PACRG: variants seen among roughly 807,000 people sequenced by gnomAD.
The protein encoded by PACRG is parkin coregulated gene protein.
PACRG carries 29 observed loss-of-function variants against 29.7 expected under a neutral mutation model. That is an observed-to-expected ratio of 0.98 (90% CI 0.73 to 1.33). The LOEUF (loss-of-function observed/expected upper bound fraction) is 1.33. Ranked by LOEUF, PACRG falls within the 40% of genes most tolerant of loss-of-function variation. The pLI, the probability that PACRG is intolerant of heterozygous loss-of-function variation, is 0.00. For missense variants in PACRG, 279 were observed against 316.2 expected, an observed-to-expected ratio of 0.88 and a Z score of 0.89; for synonymous variants, 116 against 118.7, an observed-to-expected ratio of 0.98 and a Z score of 0.15.
chr6:163,056,304 A>G lies in PACRG; in HGVS notation c.292-5846A>G, dbSNP rs1291077025. Among the ~76,000 whole-genome samples the G allele has an allele frequency of 3.3e-5, 5 of 152,364 alleles. No homozygotes were observed. In the South Asian group the frequency reaches 1.0e-3, roughly 32 times the overall value. On this transcript the variant is annotated intron_variant, in intron 2 of 4. Coordinates refer to ENST00000366888, the MANE Select transcript of PACRG (RefSeq NM_001080379.2). ...CTTGTCCAGTAATATTCATAGCAGC[A>G]TTATTCACAATAACCAAATGGCAGA...
intron 4 of PACRG, chr6:163,191,963 T>C (rs2128361614): frequency 3.0e-6 from 1 of 327,998 alleles, no homozygotes; most frequent in African/African-American, 2.2e-5. Flanking sequence ...CGGTGCTATC[T>C]ACGGGGAAGC....
At chr6:162,844,886 G>A (rs1790218874) in intron 2 of PACRG, among the ~76,000 whole-genome samples, 1 of 152,180 alleles carries the variant, frequency 6.6e-6, no homozygotes, top group Non-Finnish European at 1.5e-5. Context: ...GCTAGAAGCA[G>A]AAGTCCACTA....
chr6:163,021,197 C>T (rs1806580666), intron 2 of PACRG, among the ~76,000 whole-genome samples: 1 of 152,168 alleles, frequency 6.6e-6, no homozygotes, highest in Admixed American at 6.5e-5. Context: ...GCACAGTAGC[C>T]ACTGCAAAGC....
intron 4 of PACRG, among the ~76,000 whole-genome samples, chr6:163,114,351 T>C (rs1202649414): frequency 1.3e-5 from 2 of 152,158 alleles, no homozygotes; most frequent in Admixed American, 6.5e-5. Flanking sequence ...TCAATTCAAA[T>C]TGGAGTCTTA....
chr6:162,892,201 T>C (rs1029959075), intron 2 of PACRG, among the ~76,000 whole-genome samples: 2 of 152,172 alleles, frequency 1.3e-5, no homozygotes, highest in African/African-American at 4.8e-5. Context: ...ATGGAACACC[T>C]TTTGTCAAGG....
chr6:162,737,044 AC>A (rs1050282684), intron 1 of PACRG, among the ~76,000 whole-genome samples: 3 of 152,204 alleles, frequency 2.0e-5, no homozygotes, highest in African/African-American at 7.2e-5. Flanking sequence ...TCCTTGAAAT[AC>A]AATTTCTGAA....
intron 2 of PACRG, among the ~76,000 whole-genome samples, chr6:162,963,354 TTATGTGATGTATTTA>T (rs1222587782): frequency 7.9e-5 from 12 of 152,124 alleles, no homozygotes; most frequent in Admixed American, 6.6e-4. Context: ...TAATCTCTTG[TTATGTGATGTATTTA>T]TAAGGTGCTG....
Position 162,920,363 on chromosome 6 carries a change from C to T in PACRG, c.291+106082C>T, listed in dbSNP as rs188683553. The stretch of plus-strand genomic sequence containing the variant: ...AAAATACTGTATTATGGCATCTGCA[C>T]TCTATTGGGCTGATAGCAGCAGCTG... On this transcript the variant is annotated intron_variant, in intron 2 of 4. Coordinates refer to ENST00000366888, the MANE Select transcript of PACRG (RefSeq NM_001080379.2). Among the ~76,000 whole-genome samples the T allele has an allele frequency of 2.0e-5, 3 of 152,260 alleles. No individual in the cohort carries two copies. In the East Asian group the frequency reaches 5.8e-4, roughly 29 times the overall value.
At chr6:163,203,954 A>G (rs977671402) in intron 4 of PACRG, among the ~76,000 whole-genome samples, 1 of 152,236 alleles carries the variant, frequency 6.6e-6, no homozygotes. Flanking sequence ...ATCATGTTTT[A>G]ATTAGGATCC....
intron 2 of PACRG, among the ~76,000 whole-genome samples, chr6:162,848,361 C>T (rs1020576907): frequency 6.6e-6 from 1 of 152,204 alleles, no homozygotes; most frequent in African/African-American, 2.4e-5. Flanking sequence ...ACTAGCTGGC[C>T]AGGAAAACAC....
intron 4 of PACRG, among the ~76,000 whole-genome samples, chr6:163,265,206 G>A (rs938655728): frequency 1.3e-5 from 2 of 152,178 alleles, no homozygotes; most frequent in African/African-American, 4.8e-5. Context: ...TAATGATAGG[G>A]ATTCCGACCC....
chr6:163,009,454 G>A (rs939972467), intron 2 of PACRG, among the ~76,000 whole-genome samples: 1 of 152,138 alleles, frequency 6.6e-6, no homozygotes, highest in Non-Finnish European at 1.5e-5. Flanking sequence ...CAAATTCAAC[G>A]TTACATTAAC....
At chr6:162,773,575 C>T (rs1339676457) in intron 1 of PACRG, among the ~76,000 whole-genome samples, 5 of 133,266 alleles carry the variant, frequency 3.8e-5, no homozygotes, top group East Asian at 5.0e-4. Flanking sequence ...ACTGCAGTGG[C>T]GCAATCTCGG....
chr6:163,048,615 C>G (rs1162500045), intron 2 of PACRG, among the ~76,000 whole-genome samples: 1 of 152,084 alleles, frequency 6.6e-6, no homozygotes, highest in Non-Finnish European at 1.5e-5. Flanking sequence ...AGCTTTTCCT[C>G]TTTTCGATTC....
At chr6:162,751,390 A>T (rs959646458) in intron 1 of PACRG, among the ~76,000 whole-genome samples, 1 of 152,166 alleles carries the variant, frequency 6.6e-6, no homozygotes, top group African/African-American at 2.4e-5. Context: ...AGTCACTCAC[A>T]TATTGGTGTC....
chr6:163,260,228 G>C (rs913581611), intron 4 of PACRG, among the ~76,000 whole-genome samples: 1 of 152,230 alleles, frequency 6.6e-6, no homozygotes, highest in Non-Finnish European at 1.5e-5. Flanking sequence ...CCCCTTCAGC[G>C]ATCGCTGGCA....
At chr6:162,883,156 T>A (rs1034195797) in intron 2 of PACRG, among the ~76,000 whole-genome samples, 7 of 146,528 alleles carry the variant, frequency 4.8e-5, no homozygotes, top group Admixed American at 3.4e-4. Flanking sequence ...ACTACCAGGT[T>A]TTTTTTTTTA....
intron 4 of PACRG, among the ~76,000 whole-genome samples, chr6:163,111,448 A>G (rs796555736): frequency 1.4e-4 from 22 of 152,364 alleles, no homozygotes; most frequent in African/African-American, 4.8e-4. Flanking sequence ...AACAACATCC[A>G]CACAGCTAGT....
At position 162,814,237 on chromosome 6, in the gene PACRG, A is replaced by T; in HGVS notation, c.247A>T (p.Ile83Phe). 6.2e-7 allele frequency: 1 copy of T among 1,613,980 alleles called. No individual in the cohort carries two copies. The highest frequency in any genetic ancestry group is 1.3e-5 in the African/African-American group (1 of 75,008). ...RKFYERGDFP[I>F]ALEHDSKGNK... ...ATTCTATGAGCGAGGTGACTTCCCA[A>T]TTGCCCTTGAGCATGATTCGAAAGG... Residue 83 changes from isoleucine to phenylalanine, a missense_variant, in exon 2 of 5, where the codon ATT becomes TTT. Ile to Phe is a conservative substitution (Grantham distance 21, BLOSUM62 0). Coordinates refer to ENST00000366888, the MANE Select transcript of PACRG (RefSeq NM_001080379.2).
Sources: allele counts gnomAD v4.1 joint callset (sites outside exome capture counted in the v4.1 genomes callset), GRCh38; gene constraint gnomAD v4.1.1; transcripts MANE v1.5; gene names NCBI Gene and HGNC (gene_info 2026-07-23, HGNC 2026-07-21).